Variants in TLL1 observed in about 807,000 individuals in gnomAD.
TLL1 encodes the protein tolloid-like protein 1.
In TLL1, 49 loss-of-function variants were observed where a neutral mutation model predicts 128.2. The ratio of observed to expected loss-of-function variants is 0.38; its 90% CI spans 0.30 to 0.48. The LOEUF is 0.48. TLL1 is among the 20% of genes least tolerant of loss of function. TLL1 has a pLI of 0.96. For missense variants in TLL1, 1,123 were observed against 1,242.0 expected, an observed-to-expected ratio of 0.90 and a Z score of 1.44; for synonymous variants, 454 against 418.8, an observed-to-expected ratio of 1.08 and a Z score of -1.03.
intron 1 of TLL1, among the ~76,000 whole-genome samples, chr4:165,959,841 T>C (rs1297237956): frequency 6.6e-6 from 1 of 152,132 alleles, no homozygotes; most frequent in Non-Finnish European, 1.5e-5. Flanking sequence ...CAGCAAAAGC[T>C]GTGTTAATAG....
At chr4:166,074,206 A>G (rs1191859347) in intron 16 of TLL1, among the ~76,000 whole-genome samples, 3 of 152,028 alleles carry the variant, frequency 2.0e-5, no homozygotes, top group African/African-American at 7.2e-5. Flanking sequence ...GGGATGACTT[A>G]TTAATAAACT....
At chr4:166,094,548 T>C (rs1741933802) in intron 19 of TLL1, among the ~76,000 whole-genome samples, 1 of 152,164 alleles carries the variant, frequency 6.6e-6, no homozygotes, top group Admixed American at 6.5e-5. Flanking sequence ...CCATGGATAT[T>C]CTTTAAGCCT....
At chr4:166,022,876 C>G (rs941232773) in intron 8 of TLL1, among the ~76,000 whole-genome samples, 35 of 152,174 alleles carry the variant, frequency 2.3e-4, no homozygotes, top group African/African-American at 8.4e-4. Context: ...TTTTAAATTT[C>G]TTGTGATTAG....
chr4:165,956,532 A>G (rs1471872027), intron 1 of TLL1, among the ~76,000 whole-genome samples: 1 of 151,984 alleles, frequency 6.6e-6, no homozygotes, highest in Non-Finnish European at 1.5e-5. Flanking sequence ...CAAGAAGAAA[A>G]GTGACTTTTT....
chr4:166,031,280 A>G (rs1738755950), intron 9 of TLL1, among the ~76,000 whole-genome samples: 1 of 152,094 alleles, frequency 6.6e-6, no homozygotes, highest in South Asian at 2.1e-4. Context: ...TATTATATGA[A>G]TATAAACACA....
At chr4:166,052,356 C>T (rs1199682257) in intron 12 of TLL1, among the ~76,000 whole-genome samples, 3 of 152,106 alleles carry the variant, frequency 2.0e-5, no homozygotes, top group Non-Finnish European at 4.4e-5. Context: ...AGTGCAGTGG[C>T]ACGATCTTGG....
chr4:165,968,671 AGAT>A (rs1351655381), intron 1 of TLL1, among the ~76,000 whole-genome samples: 2 of 152,092 alleles, frequency 1.3e-5, no homozygotes, highest in Non-Finnish European at 2.9e-5. Flanking sequence ...TAAAAGGGGG[AGAT>A]GATGAGTTTT....
chr4:166,014,262 CT>C (rs985579891), intron 7 of TLL1, among the ~76,000 whole-genome samples, 173 bp from the exon 8 acceptor site: 29 of 151,736 alleles, frequency 1.9e-4, no homozygotes, highest in Admixed American at 1.1e-3. Flanking sequence ...ATTTAACATG[CT>C]TTTTTTTCTA....
chr4:165,946,240 C>T (rs901825791), intron 1 of TLL1, among the ~76,000 whole-genome samples: 1 of 152,122 alleles, frequency 6.6e-6, no homozygotes, highest in Admixed American at 6.6e-5. Context: ...CTGCTGACAC[C>T]TCAAGATCAG....
chr4:166,043,340 A>G lies in TLL1; in HGVS notation c.1445A>G (p.Tyr482Cys), dbSNP rs778204279. ...CAGTCTCCCAATTATCCTGATGACT[A>G]TCGCCCGATGAAAGAATGTGTGTGG... ...QIQSPNYPDD[Y>C]RPMKECVWKI... Residue 482 changes from tyrosine to cysteine, a missense_variant, in exon 12 of 21, where the codon TAT (tyrosine) becomes TGT (cysteine). By Grantham distance (194) the Tyr-to-Cys change is radical. Coordinates refer to ENST00000061240, the MANE Select transcript of TLL1 (RefSeq NM_012464.5). The G allele has an allele frequency of 1.2e-6, 2 of 1,614,166 alleles. No homozygotes were observed. Among genetic ancestry groups the G allele is most frequent in the Non-Finnish European group, 1.7e-6 (2 of 1,180,002 alleles).
At chr4:165,924,747 T>C (rs1368110692) in intron 1 of TLL1, among the ~76,000 whole-genome samples, 1 of 152,138 alleles carries the variant, frequency 6.6e-6, no homozygotes, top group Non-Finnish European at 1.5e-5. Flanking sequence ...ACTTTCATAG[T>C]TAGAGAGGAG....
chr4:165,913,033 C>G lies in TLL1; in HGVS notation c.169+38960C>G, dbSNP rs148813121. 5.8e-3 allele frequency among the ~76,000 whole-genome samples: 881 copies of G among 151,998 alleles called. 6 individuals carry two copies. Among genetic ancestry groups the G allele is most frequent in the African/African-American group, 0.02 (833 of 41,468 alleles). ...TCACCATGCCACATGAACTATGAAG[C>G]AATTACGTGTTTATTCCAAGCAGTT... On this transcript the variant is annotated intron_variant, in intron 1 of 20. Transcript: ENST00000061240.
intron 8 of TLL1, among the ~76,000 whole-genome samples, chr4:166,017,317 C>T (rs779417881): frequency 3.3e-5 from 5 of 151,968 alleles, no homozygotes; most frequent in Admixed American, 1.3e-4. Flanking sequence ...ATGTATCACA[C>T]TTTCTTTATT....
At chr4:166,082,058 G>A (rs764830122) in intron 18 of TLL1, among the ~76,000 whole-genome samples, 5 of 152,136 alleles carry the variant, frequency 3.3e-5, no homozygotes, top group Non-Finnish European at 7.4e-5. Flanking sequence ...ATATTCAGAA[G>A]CAAAATGAGA....
intron 19 of TLL1, among the ~76,000 whole-genome samples, chr4:166,097,141 A>T (rs189861235): frequency 6.6e-6 from 1 of 152,212 alleles, no homozygotes; most frequent in Non-Finnish European, 1.5e-5. Flanking sequence ...AAATTGTGGA[A>T]AAAAGTCCCC....
intron 1 of TLL1, among the ~76,000 whole-genome samples, chr4:165,986,555 T>C (rs1736401568): frequency 6.6e-6 from 1 of 152,052 alleles, no homozygotes; most frequent in Non-Finnish European, 1.5e-5. Flanking sequence ...TTTGGTTTTC[T>C]CCTAAAGCAA....
intron 1 of TLL1, among the ~76,000 whole-genome samples, chr4:165,977,559 T>C (rs376444004): frequency 1.3e-5 from 2 of 152,166 alleles, no homozygotes; most frequent in Admixed American, 6.5e-5. Context: ...GGAAAAGATA[T>C]GTTGCTTAAA....
At chr4:165,931,718 C>CAAAAAAAAAAAAAAAAAA (rs761214388) in intron 1 of TLL1, among the ~76,000 whole-genome samples, 32 of 133,374 alleles carry the variant, frequency 2.4e-4, no homozygotes, top group East Asian at 1.1e-3. Context: ...GACTCTGTCT[C>CAAAAAAAAAAAAAAAAAA]AAAAGAAAAA....
chr4:166,057,205 C>T lies in TLL1; in HGVS notation c.1742C>T (p.Pro581Leu), dbSNP rs759356958. ...FFKEEDECAK[P>L]DRGGCEQRCL... ...ATAGAGGAAGATGAGTGTGCCAAAC[C>T]TGACCGTGGAGGCTGTGAGCAGCGA... Residue 581 changes from proline (P) to leucine (L), a missense_variant, in exon 14 of 21, where the codon CCT becomes CTT. Pro to Leu is a moderately conservative substitution (Grantham distance 98). Coordinates refer to ENST00000061240, the MANE Select transcript of TLL1 (RefSeq NM_012464.5). 5.0e-6 allele frequency: 8 copies of T among 1,613,594 alleles called. No individual in the cohort carries two copies. Among genetic ancestry groups the T allele is most frequent in the Admixed American group, 3.3e-5 (2 of 59,958 alleles).
Sources: gnomAD v4.1 joint callset for allele counts (sites outside exome capture counted in the v4.1 genomes callset) on GRCh38, gnomAD v4.1.1 for gene constraint, MANE v1.5 for transcripts, NCBI Gene and HGNC (gene_info 2026-07-23, HGNC 2026-07-21) for gene names.